The following DNAH10 variants were observed in gnomAD, a reference collection of about 807,000 sequenced individuals.
The protein encoded by DNAH10 is axonemal beta dynein heavy chain 10.
In DNAH10, 348 loss-of-function variants were observed where a neutral mutation model predicts 506.6. That is an observed-to-expected ratio of 0.69 (90% confidence interval 0.63 to 0.75). DNAH10 has a LOEUF of 0.75. Among genes scored for constraint, DNAH10 ranks in the 30% least tolerant of loss-of-function variants. The pLI is 0.00. For synonymous variants in DNAH10, 2,059 were observed against 2,198.6 expected, an observed-to-expected ratio of 0.94 and a Z score of 1.78; for missense variants, 5,179 against 5,787.1, an observed-to-expected ratio of 0.89 and a Z score of 3.41.
rs768137792 is a variant in DNAH10, at chr12:123,934,100, A to T, written c.13478-521A>T. On this transcript the variant is annotated intron_variant, in intron 77 of 78. Transcript: ENST00000673944. Reference sequence around the variant, plus strand: ...CAGGGACTCTCCAGGTCTCAGTGGCAGGGGAGGTGGCAGGTGTCCGGGCCA... The same window carrying T: ...CAGGGACTCTCCAGGTCTCAGTGGCTGGGGAGGTGGCAGGTGTCCGGGCCA... The T allele has an allele frequency of 1.5e-5, 9 of 609,830 alleles. No individual in the cohort carries two copies. In the Admixed American group the frequency reaches 2.3e-4, roughly 16 times the overall value. 37.8% of individuals were successfully genotyped at this position (609,830 alleles called of 1,614,324 possible).
Position 123,929,745 on chromosome 12 carries a change from T to C in DNAH10, c.12598T>C (p.Tyr4200His). 1.9e-6 allele frequency: 3 copies of C among 1,612,676 alleles called. No individual in the cohort carries two copies. The change falls in exon 72 of 79, where the codon TAC becomes CAC. Residue 4200 changes from tyrosine to histidine, a missense_variant. Physicochemically the swap from Tyr to His is moderately conservative, Grantham distance 83. Transcript: ENST00000673944. Reference protein sequence around the residue: ...DPRIPWGSLKYLIGEVMYGGR... With the variant: ...DPRIPWGSLKHLIGEVMYGGR... ...AAGGATCCCGTGGGGCAGCCTCAAG[T>C]ACCTAATTGGAGAGGTAGGGGTGAC...
chr12:123,851,083 G>A lies in DNAH10; in HGVS notation c.6291+7G>A, dbSNP rs1256444340. The A allele has an allele frequency of 1.3e-6, 2 of 1,591,758 alleles. No individual in the cohort carries two copies. Among genetic ancestry groups the A allele is most frequent in the Admixed American group, 3.4e-5 (2 of 58,544 alleles). ...GGGCTTCCTGGAGGCCAAGGTGGGG[G>A]GCCTTGGCAGCGCCAGGTCGTGCAG... On this transcript the variant is annotated splice_region_variant and intron_variant, in intron 35 of 78. Transcript: ENST00000673944.
intron 16 of DNAH10, among the ~76,000 whole-genome samples, chr12:123,802,687 T>A (rs904034391): frequency 6.6e-6 from 1 of 151,984 alleles, no homozygotes; most frequent in Admixed American, 6.6e-5. Flanking sequence ...CATCAATATA[T>A]GAGTGACTCG....
At chr12:123,829,840 T>TA (rs1296475165) in intron 25 of DNAH10, among the ~76,000 whole-genome samples, 1 of 152,114 alleles carries the variant, frequency 6.6e-6, no homozygotes, top group South Asian at 2.1e-4. Context: ...TACACAGAAC[T>TA]AAAACATGGG....
chr12:123,813,788 C>T lies in DNAH10; in HGVS notation c.3656C>T (p.Thr1219Ile). The T allele has an allele frequency of 6.2e-7, 1 of 1,613,394 alleles. No individual in the cohort carries two copies. The highest frequency in any genetic ancestry group is 2.2e-5 in the East Asian group (1 of 44,882). Residue 1219 changes from threonine (T) to isoleucine (I), a missense_variant, in exon 21 of 79, where the codon ACC becomes ATC. Coordinates refer to ENST00000673944, the MANE Select transcript of DNAH10 (RefSeq NM_001372106.1). ...AAAAACCTTAGGAAGATCCCCAATA[C>T]CCTTGAAGATCTCAAGTTTGTCCTT... Reference protein sequence around the residue: ...LAKNLRKIPNTLEDLKFVLAT... With the variant: ...LAKNLRKIPNILEDLKFVLAT...
At chr12:123,794,135 C>G in intron 12 of DNAH10, 23 bp downstream of exon 12, 1 of 1,142,806 alleles carries the variant, frequency 8.8e-7, no homozygotes, top group African/African-American at 1.6e-5. Flanking sequence ...TCGATAGCTG[C>G]CATAGCATTA....
rs1350838690 is a variant in DNAH10 at position 123,813,132 on chromosome 12, ACT to A, written c.3145-31_3145-30del. On this transcript the variant is annotated intron_variant, in intron 19 of 78. Transcript: ENST00000673944. ...TTGGAGGCAAAATAGATACTAAAAT[ACT>A]GTCTTTTCTCCTAATTCTTACTTTG... 8 of 1,536,766 alleles carry A rather than the reference ACT, an allele frequency of 5.2e-6. No individual in the cohort carries two copies. The South Asian group carries it at 9.8e-5, about 19-fold the overall frequency.
chr12:123,789,025 G>A (rs1023421724), intron 10 of DNAH10, among the ~76,000 whole-genome samples: 2 of 152,160 alleles, frequency 1.3e-5, no homozygotes, highest in Non-Finnish European at 2.9e-5. Flanking sequence ...CAAGGTGGGC[G>A]GATCACGAGG....
intron 14 of DNAH10, 84 bp from the exon 15 acceptor site, chr12:123,800,132 C>A: frequency 7.1e-7 from 1 of 1,400,072 alleles, no homozygotes; most frequent in Non-Finnish European, 9.7e-7. Context: ...TGATCTTTTT[C>A]ATGTTCACTT....
intron 73 of DNAH10, among the ~76,000 whole-genome samples, chr12:123,931,083 T>C (rs763876281): frequency 2.0e-5 from 3 of 151,866 alleles, no homozygotes; most frequent in Non-Finnish European, 4.4e-5. Context: ...AGTGTGGTGG[T>C]GAATACCTGT....
chr12:123,813,329 C>T lies in DNAH10; in HGVS notation c.3310C>T (p.Leu1104Phe). 6.2e-7 allele frequency: 1 copy of T among 1,614,186 alleles called. No individual in the cohort carries two copies. Among genetic ancestry groups the T allele is most frequent in the Non-Finnish European group, 8.5e-7 (1 of 1,180,034 alleles). The stretch of plus-strand genomic sequence containing the variant: ...AAATGTCCACAGGATTCTGATCAAT[C>T]TTATGAAGTATCTACAAAAATGGAA... ...PQNVHRILIN[L>F]MKYLQKWKRY... Residue 1104 changes from leucine to phenylalanine, a missense_variant, in exon 20 of 79, where the codon CTT becomes TTT. By Grantham distance (22) the Leu-to-Phe change is conservative. This residue lies in a region of DNAH10 where 4,844 missense variants were observed against 5,430.5 expected (regional missense o/e 0.89). Coordinates refer to ENST00000673944, the MANE Select transcript of DNAH10 (RefSeq NM_001372106.1).
intron 2 of DNAH10, among the ~76,000 whole-genome samples, 164 bp downstream of exon 2, chr12:123,767,853 G>A (rs1473268080): frequency 6.6e-6 from 1 of 152,126 alleles, no homozygotes; most frequent in Non-Finnish European, 1.5e-5. Flanking sequence ...AGTTTCCCAC[G>A]GCTGCTGTCA....
Position 123,861,029 on chromosome 12 carries a change from A to C in DNAH10, c.6767A>C (p.Lys2256Thr). ...TGATTTAGGCTTGGGCTGACGACAA[A>C]GTTGTACATCCTGAACCCCAAAGCC... The part of the protein sequence containing the change: ...QAQTKLGLTT[K>T]LYILNPKAVS... Residue 2256 changes from lysine (K) to threonine (T), a missense_variant, in exon 39 of 79, where the codon AAG becomes ACG. Lys to Thr is a moderately conservative substitution (Grantham distance 78, BLOSUM62 -1). This residue lies in a region of DNAH10 where 4,844 missense variants were observed against 5,430.5 expected (regional missense o/e 0.89). Coordinates refer to ENST00000673944, the MANE Select transcript of DNAH10 (RefSeq NM_001372106.1). 6.2e-7 allele frequency: 1 copy of C among 1,614,004 alleles called. No homozygotes were observed. The highest frequency in any genetic ancestry group is 8.5e-7 in the Non-Finnish European group (1 of 1,179,900).
chr12:123,931,279 T>A, intron 73 of DNAH10, 62 bp from the exon 74 acceptor site: 2 of 1,595,908 alleles, frequency 1.3e-6, no homozygotes, highest in Non-Finnish European at 1.7e-6. Context: ...TTTGAGGCTG[T>A]GGGCCCTGAG....
rs768227104 is a variant in DNAH10, at chr12:123,930,531, G to T, written c.12742G>T (p.Asp4248Tyr). 4.3e-6 allele frequency: 7 copies of T among 1,609,230 alleles called. No homozygotes were observed. The Admixed American group carries it at 1.0e-4, about 24-fold the overall frequency. ...PFHFFRNKEV[D>Y]YKIPVGDEKE... Reference sequence around the variant, plus strand: ...CCACTTCTTCCGGAACAAGGAAGTGGACTACAAAATCCCTGTTGGTGATGA... The same window carrying T: ...CCACTTCTTCCGGAACAAGGAAGTGTACTACAAAATCCCTGTTGGTGATGA... Residue 4248 changes from aspartate to tyrosine, a missense_variant, in exon 73 of 79, where the codon GAC becomes TAC. This residue lies in a region of DNAH10 where 4,844 missense variants were observed against 5,430.5 expected (regional missense o/e 0.89). Transcript: ENST00000673944.
chr12:123,928,203 G>C lies in DNAH10; in HGVS notation c.12106-184G>C. ...GTGACCAGCTCAGTGCACCCACGGG[G>C]CCCATGGGGTTTCTCAAAGATGGTT... On this transcript the variant is annotated intron_variant, in intron 69 of 78. Coordinates refer to ENST00000673944, the MANE Select transcript of DNAH10 (RefSeq NM_001372106.1). This position sits in a 1 kb window ranked among gnomAD's most constrained non-coding sequence, Gnocchi z 4.9. 1 of 672,392 alleles carries C rather than the reference G, an allele frequency of 1.5e-6. No individual in the cohort carries two copies. The allele number at this position is 672,392 out of a possible 1,614,324, so 41.7% of individuals were successfully genotyped here.
chr12:123,910,508 A>G, intron 58 of DNAH10, 28 bp from the exon 59 acceptor site: 1 of 1,602,462 alleles, frequency 6.2e-7, no homozygotes, highest in Middle Eastern at 1.7e-4. Context: ...CTTGCCACTC[A>G]TAAAAATTAT....
intron 58 of DNAH10, among the ~76,000 whole-genome samples, 198 bp from the exon 59 acceptor site, chr12:123,910,338 C>T (rs1390873818): frequency 6.6e-6 from 1 of 152,210 alleles, no homozygotes; most frequent in Non-Finnish European, 1.5e-5. Context: ...TAAACCATGT[C>T]CCTTGCCCAC....
At chr12:123,783,404 C>A in intron 7 of DNAH10, 140 bp downstream of exon 7, 1 of 963,684 alleles carries the variant, frequency 1.0e-6, no homozygotes, top group Non-Finnish European at 1.5e-6. Context: ...AAAATAAACA[C>A]ACCCAAAATA....
Sources: gnomAD v4.1 joint callset for allele counts (sites outside exome capture counted in the v4.1 genomes callset) on GRCh38, gnomAD v4.1.1 for gene constraint, gnomAD v4.1.1 regional missense constraint, Gnocchi (gnomAD v3.1) non-coding constraint, MANE v1.5 for transcripts, NCBI Gene and HGNC (gene_info 2026-07-23, HGNC 2026-07-21) for gene names.